CSMD1: variants seen among roughly 807,000 people sequenced by gnomAD.
CSMD1 encodes the protein CUB and Sushi multiple domains 1.
Under a neutral mutation model 417.5 loss-of-function variants are expected in CSMD1, and 213 were observed. That is an observed-to-expected ratio of 0.51 (90% confidence interval 0.46 to 0.57). The LOEUF is 0.57. CSMD1 is among the 20% of genes least tolerant of loss of function. CSMD1 has a pLI of 0.00. For missense variants in CSMD1, 6,923 were observed against 4,529.7 expected (o/e 1.53, Z -15.17); for synonymous variants, 2,862 against 1,736.8 (o/e 1.65, Z -16.11).
chr8:3,188,077 CATATGTATATGT>C lies in CSMD1; in HGVS notation c.5524-124_5524-113del, dbSNP rs1321698009. 81 of 387,626 alleles carry C rather than the reference CATATGTATATGT, an allele frequency of 2.1e-4. 1 individual carries two copies. In the Admixed American group the frequency reaches 3.2e-3, roughly 15 times the overall value. 24.0% of individuals were successfully genotyped at this position (387,626 alleles called of 1,614,324 possible). A position where few individuals can be genotyped will look rare whatever the true frequency, so the allele number is the denominator to read the frequency against. The stretch of plus-strand genomic sequence containing the variant: ...TAAGGTGTATATGTATATATATATA[CATATGTATATGT>C]ATATATATATACATATACACCTTAA... On this transcript the variant is annotated intron_variant, in intron 35 of 69. Coordinates refer to ENST00000635120, the MANE Select transcript of CSMD1 (RefSeq NM_033225.6).
intron 4 of CSMD1, among the ~76,000 whole-genome samples, chr8:4,008,425 T>A (rs1037896754): frequency 6.6e-6 from 1 of 151,586 alleles, no homozygotes; most frequent in African/African-American, 2.4e-5. Context: ...TTTTTTTTTA[T>A]TTGGAATCTG....
At chr8:4,337,186 G>T (rs932426073) in intron 3 of CSMD1, among the ~76,000 whole-genome samples, 42 of 152,200 alleles carry the variant, frequency 2.8e-4, no homozygotes, top group African/African-American at 9.6e-4. Context: ...TTGCAACAGT[G>T]TTATCTCAAA....
intron 7 of CSMD1, among the ~76,000 whole-genome samples, chr8:3,693,118 A>G (rs1477878692): frequency 6.6e-6 from 1 of 152,188 alleles, no homozygotes; most frequent in Non-Finnish European, 1.5e-5. Context: ...AGAGATAAAT[A>G]GATACCAATA....
chr8:3,930,664 G>A lies in CSMD1; in HGVS notation c.818+67239C>T, dbSNP rs547854167. Reference sequence around the variant, plus strand: ...CCCTGTCTCCTTTGTTCGGTGTACTGTCATGGCAAAACTGCTGGCAAGTGT... The same window carrying A: ...CCCTGTCTCCTTTGTTCGGTGTACTATCATGGCAAAACTGCTGGCAAGTGT... On this transcript the variant is annotated intron_variant, in intron 5 of 69. Coordinates refer to ENST00000635120, the MANE Select transcript of CSMD1 (RefSeq NM_033225.6). Among the ~76,000 whole-genome samples the A allele has an allele frequency of 4.7e-5, 7 of 150,376 alleles. 1 individual carries two copies. In the South Asian group the frequency reaches 1.5e-3, roughly 32 times the overall value.
intron 8 of CSMD1, among the ~76,000 whole-genome samples, chr8:3,602,768 G>T (rs1301982610): frequency 1.3e-5 from 2 of 151,284 alleles, no homozygotes; most frequent in Admixed American, 1.3e-4. Flanking sequence ...GTTACAGAAG[G>T]TCATTTTGAA....
intron 11 of CSMD1, among the ~76,000 whole-genome samples, chr8:3,479,069 C>G (rs913576756): frequency 1.3e-5 from 2 of 152,030 alleles, no homozygotes; most frequent in African/African-American, 2.4e-5. Context: ...TCAGCCAGCA[C>G]CAGCAGAAAG....
intron 10 of CSMD1, among the ~76,000 whole-genome samples, chr8:3,539,685 C>A (rs367550702): frequency 6.6e-6 from 1 of 150,788 alleles, no homozygotes; most frequent in Non-Finnish European, 1.5e-5. Context: ...AGAACCAAAT[C>A]AAGTGTGGGA....
At chr8:4,482,072 G>T (rs1203701567) in intron 2 of CSMD1, among the ~76,000 whole-genome samples, 2 of 152,112 alleles carry the variant, frequency 1.3e-5, no homozygotes, top group African/African-American at 4.8e-5. Context: ...CAAAATCATT[G>T]ATACAAAGGT....
At chr8:4,367,184 C>CATTG (rs1802124062) in intron 3 of CSMD1, among the ~76,000 whole-genome samples, 2 of 152,130 alleles carry the variant, frequency 1.3e-5, no homozygotes, top group African/African-American at 4.8e-5. Flanking sequence ...TTAGAGCTTG[C>CATTG]ATTGAATCCT....
At chr8:3,303,497 T>G (rs1015921438) in intron 25 of CSMD1, among the ~76,000 whole-genome samples, 2 of 152,190 alleles carry the variant, frequency 1.3e-5, no homozygotes, top group East Asian at 3.9e-4. Context: ...GCGTCCAATG[T>G]TTTTCATACT....
intron 3 of CSMD1, among the ~76,000 whole-genome samples, chr8:4,166,659 A>T (rs1183594487): frequency 6.6e-6 from 1 of 152,124 alleles, no homozygotes; most frequent in African/African-American, 2.4e-5. Flanking sequence ...TACCGTGTAC[A>T]CTGCTGGGGT....
intron 18 of CSMD1, among the ~76,000 whole-genome samples, chr8:3,374,374 T>G (rs78956896): frequency 6.6e-6 from 1 of 152,330 alleles, no homozygotes; most frequent in East Asian, 1.9e-4. Context: ...CAAACACTCA[T>G]TGATGCTTCT....
intron 3 of CSMD1, among the ~76,000 whole-genome samples, chr8:4,154,371 G>C (rs781701815): frequency 1.3e-5 from 2 of 152,194 alleles, no homozygotes; most frequent in East Asian, 3.9e-4. Flanking sequence ...CATGTTTTGT[G>C]ACATATATCT....
chr8:3,878,233 A>G (rs1805961366), intron 5 of CSMD1, among the ~76,000 whole-genome samples: 1 of 152,180 alleles, frequency 6.6e-6, no homozygotes, highest in Admixed American at 6.5e-5. Flanking sequence ...TGAGAAGTCG[A>G]GATGATAATT....
chr8:3,829,499 C>A (rs941211012), intron 5 of CSMD1, among the ~76,000 whole-genome samples: 2 of 152,064 alleles, frequency 1.3e-5, no homozygotes, highest in Admixed American at 6.6e-5. Flanking sequence ...AGTATTTTTC[C>A]TTTGTCCCTC....
At chr8:4,475,868 C>A (rs1161364298) in intron 2 of CSMD1, among the ~76,000 whole-genome samples, 1 of 152,110 alleles carries the variant, frequency 6.6e-6, no homozygotes, top group Non-Finnish European at 1.5e-5. Context: ...CTGCCTTACG[C>A]TCCGAAAGTG....
At chr8:4,115,044 A>G (rs1348858161) in intron 3 of CSMD1, among the ~76,000 whole-genome samples, 1 of 152,220 alleles carries the variant, frequency 6.6e-6, no homozygotes, top group Non-Finnish European at 1.5e-5. Flanking sequence ...AATTGATTCA[A>G]ATTTTGAAAG....
At chr8:4,806,729 T>C (rs373953607) in intron 1 of CSMD1, among the ~76,000 whole-genome samples, 40 of 152,202 alleles carry the variant, frequency 2.6e-4, no homozygotes, top group African/African-American at 8.2e-4. Flanking sequence ...AGCCCATTCA[T>C]TGAACGATGA....
chr8:3,798,186 C>T (rs115365671), intron 5 of CSMD1, among the ~76,000 whole-genome samples: 1 of 151,906 alleles, frequency 6.6e-6, no homozygotes, highest in East Asian at 1.9e-4. Context: ...CAATTTTTAA[C>T]ATTTTCCGCT....
Sources: allele counts gnomAD v4.1 joint callset (sites outside exome capture counted in the v4.1 genomes callset), GRCh38; gene constraint gnomAD v4.1.1; transcripts MANE v1.5; gene names NCBI Gene and HGNC (gene_info 2026-07-23, HGNC 2026-07-21).